ZNF292: variants seen among roughly 807,000 people sequenced by gnomAD.
ZNF292 encodes the protein 16 zinc-finger domain protein.
In ZNF292, 26 loss-of-function variants were observed where a neutral mutation model predicts 217.9. That is an observed-to-expected ratio of 0.12 (90% CI 0.09 to 0.17). The LOEUF is 0.17. ZNF292 is among the 10% of genes least tolerant of loss of function. The pLI, the probability that ZNF292 is intolerant of heterozygous loss-of-function variation, is 1.00. For synonymous variants in ZNF292, 1,257 were observed against 1,124.1 expected (o/e 1.12, Z -2.37); for missense variants, 2,904 against 3,175.2 (o/e 0.91, Z 2.05).
intron 1 of ZNF292, among the ~76,000 whole-genome samples, chr6:87,200,140 T>C (rs1407300015): frequency 6.6e-6 from 1 of 152,242 alleles, no homozygotes; most frequent in South Asian, 2.1e-4. Context: ...GGGGGTTTAC[T>C]CTTAAGAATT....
chr6:87,257,685 T>G lies in ZNF292; in HGVS notation c.4056T>G (p.Asn1352Lys). 1 of 1,612,232 alleles carries G rather than the reference T, an allele frequency of 6.2e-7. No homozygotes were observed. Among genetic ancestry groups the G allele is most frequent in the South Asian group, 1.1e-5 (1 of 90,912 alleles). ...AAAAAGACCGTGGGCGGGGCCCAAATGGGAAGGAAAGAAAACCTAAGCACA... is the reference window on the plus strand; with the variant it reads ...AAAAAGACCGTGGGCGGGGCCCAAAGGGGAAGGAAAGAAAACCTAAGCACA... Reference protein sequence around the residue: ...KVKKDRGRGPNGKERKPKHNK... With the variant: ...KVKKDRGRGPKGKERKPKHNK... The change falls in exon 8 of 8, where the codon AAT becomes AAG. Residue 1352 changes from asparagine (N) to lysine (K), a missense_variant. Coordinates refer to ENST00000369577, the MANE Select transcript of ZNF292 (RefSeq NM_015021.3).
chr6:87,166,397 G>A (rs1298996546), intron 1 of ZNF292, among the ~76,000 whole-genome samples: 2 of 152,194 alleles, frequency 1.3e-5, no homozygotes, highest in African/African-American at 4.8e-5. Flanking sequence ...AGCTCTGTAA[G>A]TCATGCTTTC....
intron 1 of ZNF292, among the ~76,000 whole-genome samples, chr6:87,194,079 T>C (rs946239789): frequency 6.6e-6 from 1 of 152,074 alleles, no homozygotes; most frequent in African/African-American, 2.4e-5. Flanking sequence ...CTAGGGAGAA[T>C]TGGAGCACGG....
At chr6:87,248,961 C>G (rs1385778782) in intron 7 of ZNF292, among the ~76,000 whole-genome samples, 1 of 152,200 alleles carries the variant, frequency 6.6e-6, no homozygotes, top group Non-Finnish European at 1.5e-5. Flanking sequence ...GGCAATCCTA[C>G]TGGACAGCAC....
intron 7 of ZNF292, among the ~76,000 whole-genome samples, chr6:87,254,283 T>G (rs1775086751): frequency 6.6e-6 from 1 of 152,248 alleles, no homozygotes; most frequent in South Asian, 2.1e-4. Flanking sequence ...TATACTAAAC[T>G]ATAACACATA....
chr6:87,172,305 A>G (rs1459541434), intron 1 of ZNF292, among the ~76,000 whole-genome samples: 3 of 152,098 alleles, frequency 2.0e-5, no homozygotes, highest in Admixed American at 6.5e-5. Flanking sequence ...TCATCCGACT[A>G]CTCCTCCAAG....
intron 4 of ZNF292, among the ~76,000 whole-genome samples, chr6:87,227,664 A>G (rs993207440): frequency 6.6e-6 from 1 of 152,154 alleles, no homozygotes; most frequent in South Asian, 2.1e-4. Flanking sequence ...AGTACTTTAG[A>G]TACCTTATAT....
In ZNF292 at chr6:87,209,977, C is replaced by G. The variant is rs1360934399; in HGVS notation, c.169-5926C>G. Among the ~76,000 whole-genome samples, 4 of 152,182 alleles carry G rather than the reference C, an allele frequency of 2.6e-5. No individual in the cohort carries two copies. In the East Asian group the frequency reaches 7.7e-4, roughly 29 times the overall value. On this transcript the variant is annotated intron_variant, in intron 1 of 7. Transcript: ENST00000369577. Reference sequence around the variant, plus strand: ...TGTAATAATATAACCATAACCAACACTCCACTAGTCTTATCTTTACATAGG... The same window carrying G: ...TGTAATAATATAACCATAACCAACAGTCCACTAGTCTTATCTTTACATAGG...
intron 1 of ZNF292, among the ~76,000 whole-genome samples, chr6:87,166,431 A>T (rs769375095): frequency 6.6e-6 from 1 of 152,204 alleles, no homozygotes; most frequent in Non-Finnish European, 1.5e-5. Flanking sequence ...GGCTGAGGTA[A>T]GGGATGATAA....
At chr6:87,206,915 GTTTC>G (rs1211206980) in intron 1 of ZNF292, among the ~76,000 whole-genome samples, 1 of 152,176 alleles carries the variant, frequency 6.6e-6, no homozygotes, top group Non-Finnish European at 1.5e-5. Flanking sequence ...AAGATCTGAA[GTTTC>G]TTTGCAGAAG....
Position 87,255,160 on chromosome 6 carries a change from A to G in ZNF292, c.1531A>G (p.Ile511Val). ...TGCTAATTCTGGCCTTCTTAAAGAC[A>G]TTGGTGATGAAAAGCAGAAGAAGAG... ...VGANSGLLKD[I>V]GDEKQKKREI... The change falls in exon 8 of 8, where the codon ATT becomes GTT. Residue 511 changes from isoleucine to valine, a missense_variant. Transcript: ENST00000369577. 6.2e-7 allele frequency: 1 copy of G among 1,613,832 alleles called. No individual in the cohort carries two copies. Among genetic ancestry groups the G allele is most frequent in the South Asian group, 1.1e-5 (1 of 91,080 alleles).
At chr6:87,252,026 C>T (rs865964008) in intron 7 of ZNF292, among the ~76,000 whole-genome samples, 1 of 152,092 alleles carries the variant, frequency 6.6e-6, no homozygotes, top group Admixed American at 6.5e-5. Context: ...CAGCTTTTGC[C>T]ATTCCTGGAG....
intron 1 of ZNF292, among the ~76,000 whole-genome samples, chr6:87,212,345 G>A (rs6454594): frequency 0.62 from 94,322 of 151,890 alleles, 30,610 homozygotes; most frequent in African/African-American, 0.81. Flanking sequence ...TGATTGATCA[G>A]ATCATTGGCC....
intron 1 of ZNF292, among the ~76,000 whole-genome samples, chr6:87,169,036 C>CT (rs56073213): frequency 0.4 from 60,182 of 150,540 alleles, 12,289 homozygotes; most frequent in Admixed American, 0.53. Flanking sequence ...CTTTTTATTG[C>CT]TTTTTTTTTA....
intron 1 of ZNF292, among the ~76,000 whole-genome samples, chr6:87,198,762 A>G (rs1772030608): frequency 6.6e-6 from 1 of 152,224 alleles, no homozygotes; most frequent in African/African-American, 2.4e-5. Context: ...AATAACTTCA[A>G]AGGGTCCTTG....
At chr6:87,189,335 C>T (rs1408236067) in intron 1 of ZNF292, among the ~76,000 whole-genome samples, 1 of 151,962 alleles carries the variant, frequency 6.6e-6, no homozygotes, top group Admixed American at 6.6e-5. Flanking sequence ...CACAGTTTCC[C>T]ATTAGTCAGA....
chr6:87,223,626 C>T (rs1352305207), intron 4 of ZNF292: 3 of 152,150 alleles, frequency 2.0e-5, no homozygotes, highest in Non-Finnish European at 4.4e-5. Context: ...TTCAATCAGT[C>T]ATTTATATTA....
At chr6:87,187,155 C>G (rs1193172793) in intron 1 of ZNF292, among the ~76,000 whole-genome samples, 6 of 152,078 alleles carry the variant, frequency 3.9e-5, no homozygotes, top group Admixed American at 3.3e-4. Context: ...AAAGAAATTC[C>G]TGCAGTAACT....
chr6:87,184,470 C>CTTTTTTT (rs35294887), intron 1 of ZNF292, among the ~76,000 whole-genome samples: 5 of 115,108 alleles, frequency 4.3e-5, no homozygotes, highest in Admixed American at 9.1e-5. Context: ...TTACCATAGG[C>CTTTTTTT]TTTTTTTTTT....
Sources: allele counts gnomAD v4.1 joint callset (sites outside exome capture counted in the v4.1 genomes callset), GRCh38; gene constraint gnomAD v4.1.1; transcripts MANE v1.5; gene names NCBI Gene and HGNC (gene_info 2026-07-23, HGNC 2026-07-21).